Variants in FSTL4 observed in about 807,000 individuals in gnomAD.
The protein encoded by FSTL4 is follistatin-related protein 4.
In FSTL4, 28 loss-of-function variants were observed where a neutral mutation model predicts 78.2. That is an observed-to-expected ratio of 0.36 (90% CI 0.27 to 0.49). FSTL4 has a LOEUF of 0.49. FSTL4 is among the 20% of genes least tolerant of loss of function. FSTL4 has a pLI of 0.98. For missense variants in FSTL4, 922 were observed against 1,084.9 expected, an observed-to-expected ratio of 0.85 and a Z score of 2.11; for synonymous variants, 422 against 440.5, an observed-to-expected ratio of 0.96 and a Z score of 0.53.
chr5:133,798,519 T>G, the FSTL4 span, among the ~76,000 whole-genome samples: 12 of 145,262 alleles, frequency 8.3e-5, no homozygotes, highest in Admixed American at 8.2e-4. Flanking sequence ...AAAAAAAACT[T>G]AAAAAAAAAA....
intron 3 of FSTL4, among the ~76,000 whole-genome samples, chr5:133,432,591 C>G (rs750011174): frequency 2.6e-5 from 4 of 152,182 alleles, no homozygotes; most frequent in Non-Finnish European, 5.9e-5. Flanking sequence ...TCTCCTTTAA[C>G]TTATTCAACA....
chr5:133,508,854 A>T (rs1446428410), intron 3 of FSTL4, among the ~76,000 whole-genome samples: 1 of 152,158 alleles, frequency 6.6e-6, no homozygotes, highest in African/African-American at 2.4e-5. Flanking sequence ...GATATTTTAC[A>T]TGCTCCTTAG....
At chr5:133,616,069 A>C (rs1761192407), upstream of FSTL4, among the ~76,000 whole-genome samples, 1 of 152,204 alleles carries the variant, frequency 6.6e-6, no homozygotes, top group Non-Finnish European at 1.5e-5. Flanking sequence ...AGGAAACTGA[A>C]GTCTGCTACT....
intron 3 of FSTL4, among the ~76,000 whole-genome samples, chr5:133,559,486 G>T (rs921434838): frequency 2.6e-5 from 4 of 152,150 alleles, no homozygotes; most frequent in African/African-American, 9.7e-5. Flanking sequence ...ACTTGTCCTG[G>T]AGGGGCAGGA....
At chr5:133,667,656 A>T in the FSTL4 span, among the ~76,000 whole-genome samples, 1 of 152,078 alleles carries the variant, frequency 6.6e-6, no homozygotes, top group Non-Finnish European at 1.5e-5. Flanking sequence ...CTCTCACCTC[A>T]TCAAGTCCCC....
rs530309295 is a variant in FSTL4 at position 133,199,433 on chromosome 5, T to C, written c.2191A>G (p.Asn731Asp). The C allele has an allele frequency of 6.2e-7, 1 of 1,614,082 alleles. No individual in the cohort carries two copies. Residue 731 changes from asparagine to aspartate, a missense_variant, in exon 16 of 16, where the codon AAC becomes GAC. Physicochemically the swap from Asn to Asp is conservative, Grantham distance 23. Coordinates refer to ENST00000265342, the MANE Select transcript of FSTL4 (RefSeq NM_015082.2). This position sits in a 1 kb window ranked among gnomAD's most constrained non-coding sequence, Gnocchi z 4.4. ...AAGGCCAAGTCTGAGATGCCCGAGT[T>C]TATTTGCAGGTCATACAGGGTCTGG... ...EIQTLYDLQI[N>D]SGISDLAFQR...
At chr5:133,381,503 G>A (rs1026351640) in intron 4 of FSTL4, among the ~76,000 whole-genome samples, 2 of 152,226 alleles carry the variant, frequency 1.3e-5, no homozygotes, top group African/African-American at 4.8e-5. Context: ...TATAAAGAAA[G>A]CTGGAAGATG....
intron 4 of FSTL4, chr5:133,387,915 GAA>G (rs1407307675): frequency 6.6e-6 from 1 of 152,166 alleles, no homozygotes; most frequent in Non-Finnish European, 1.5e-5. Context: ...GGCAGGAGGT[GAA>G]GTCTCCCAGA....
chr5:133,526,597 A>ATC (rs1459948936), intron 3 of FSTL4, among the ~76,000 whole-genome samples: 1 of 152,170 alleles, frequency 6.6e-6, no homozygotes, highest in Non-Finnish European at 1.5e-5. Flanking sequence ...GGATTAGCTT[A>ATC]TCACACACAC....
At chr5:133,714,743 T>G in the FSTL4 span, among the ~76,000 whole-genome samples, 893 of 152,308 alleles carry the variant, frequency 5.9e-3, 11 homozygotes, top group Non-Finnish European at 6.9e-3. Flanking sequence ...TGTGATTAAT[T>G]AAGTCATGCC....
At chr5:133,493,080 T>C (rs1172423103) in intron 3 of FSTL4, among the ~76,000 whole-genome samples, 1 of 152,190 alleles carries the variant, frequency 6.6e-6, no homozygotes, top group Non-Finnish European at 1.5e-5. Flanking sequence ...TACAATTCCT[T>C]CTTTATAATT....
intron 6 of FSTL4, among the ~76,000 whole-genome samples, chr5:133,301,339 G>C (rs1753533419): frequency 6.6e-6 from 1 of 152,194 alleles, no homozygotes; most frequent in South Asian, 2.1e-4. Context: ...GGAACTCGGA[G>C]GTCAGGAGAG....
chr5:133,697,713 A>C, the FSTL4 span, among the ~76,000 whole-genome samples: 1 of 152,240 alleles, frequency 6.6e-6, no homozygotes, highest in African/African-American at 2.4e-5. Flanking sequence ...CCTCAGAGGC[A>C]GGGGAAAGTG....
the FSTL4 span, among the ~76,000 whole-genome samples, chr5:133,766,331 C>T: frequency 2.0e-5 from 3 of 152,044 alleles, no homozygotes; most frequent in Admixed American, 6.5e-5. Flanking sequence ...GAGGAAAATA[C>T]GTAACAGAGA....
Position 133,225,344 on chromosome 5 carries a change from T to TA in FSTL4, c.1178-61dup. 1.2e-6 allele frequency: 2 copies of TA among 1,605,528 alleles called. No homozygotes were observed. The highest frequency in any genetic ancestry group is 4.5e-5 in the East Asian group (2 of 44,792). On this transcript the variant is annotated intron_variant, in intron 9 of 15. Transcript: ENST00000265342. The surrounding 1 kb of genome is among the most constrained non-coding windows in gnomAD (Gnocchi z 4.6). ...AGCTGGAGACCCACTCACTTTCCTT[T>TA]ATGGGGCCATTGAGAGTGTTAGGGC...
At chr5:133,819,377 G>C in the FSTL4 span, among the ~76,000 whole-genome samples, 2 of 152,058 alleles carry the variant, frequency 1.3e-5, no homozygotes, top group African/African-American at 2.4e-5. Flanking sequence ...TCTGCTCCCT[G>C]CTCACACCCT....
At chr5:133,590,086 A>G (rs1580807848) in intron 2 of FSTL4, among the ~76,000 whole-genome samples, 1 of 125,790 alleles carries the variant, frequency 7.9e-6, no homozygotes, top group East Asian at 2.4e-4. Context: ...CCTATTGGGA[A>G]TCTCCTCTTT....
At chr5:133,285,391 G>A (rs1014974485) in intron 6 of FSTL4, among the ~76,000 whole-genome samples, 1 of 152,204 alleles carries the variant, frequency 6.6e-6, no homozygotes, top group Admixed American at 6.5e-5. Context: ...GTTCAGTCAG[G>A]TGCCAGCTGG....
the FSTL4 span, among the ~76,000 whole-genome samples, chr5:133,644,992 A>G: frequency 7.2e-5 from 11 of 152,202 alleles, no homozygotes; most frequent in African/African-American, 2.6e-4. Flanking sequence ...GGCTCTGTGA[A>G]TGTTATTTCC....
Sources: allele counts gnomAD v4.1 joint callset (sites outside exome capture counted in the v4.1 genomes callset), GRCh38; gene constraint gnomAD v4.1.1; non-coding constraint Gnocchi (gnomAD v3.1); transcripts MANE v1.5; gene names NCBI Gene and HGNC (gene_info 2026-07-23, HGNC 2026-07-21).